Variants in SUPT6H observed in about 807,000 individuals in gnomAD.
SUPT6H encodes transcription elongation factor SPT6.
SUPT6H carries 11 observed loss-of-function variants against 222.3 expected under a neutral mutation model. That is an observed-to-expected ratio of 0.05 (90% CI 0.03 to 0.08). SUPT6H has a LOEUF of 0.08. SUPT6H is among the 10% of genes least tolerant of loss of function. SUPT6H has a pLI of 1.00. For missense variants in SUPT6H, 1,422 were observed against 2,216.0 expected, an observed-to-expected ratio of 0.64 and a Z score of 7.19; for synonymous variants, 762 against 801.2, an observed-to-expected ratio of 0.95 and a Z score of 0.83.
At position 28,700,211 on chromosome 17, in the gene SUPT6H, G is replaced by A. The variant is rs1393924836; in HGVS notation, c.4600G>A (p.Ala1534Thr). The A allele has an allele frequency of 1.2e-6, 2 of 1,614,120 alleles. No homozygotes were observed. Among genetic ancestry groups the A allele is most frequent in the African/African-American group, 2.7e-5 (2 of 74,934 alleles). The change falls in exon 34 of 37, where the codon GCC (alanine) becomes ACC (threonine). Residue 1534 changes from alanine (A) to threonine (T), a missense_variant. By Grantham distance (58) the Ala-to-Thr change is moderately conservative. Around this residue, in one of 13 missense-constraint regions of SUPT6H, gnomAD observed 395 missense variants for 580.6 expected, o/e 0.68. Coordinates refer to ENST00000314616, the MANE Select transcript of SUPT6H (RefSeq NM_003170.5). ...CAGCAGCAGCAGGACCCGGACACCT[G>A]CCTCTATCAATGCTACCCCAGCCAA... ...PSSSSRTRTPASINATPANIN... is the reference protein window; with the variant it reads ...PSSSSRTRTPTSINATPANIN...
chr17:28,676,846 G>A (rs2030777517), intron 7 of SUPT6H, among the ~76,000 whole-genome samples: 1 of 152,022 alleles, frequency 6.6e-6, no homozygotes, highest in Non-Finnish European at 1.5e-5. Flanking sequence ...AAGATTGCTT[G>A]AACTTGGGAG....
chr17:28,700,239 T>C lies in SUPT6H; in HGVS notation c.4628T>C (p.Ile1543Thr), dbSNP rs2032078468. ...TCTATCAATGCTACCCCAGCCAACATCAACCTTGCAGGTGAGGAGCTTGAG... is the reference window on the plus strand; with the variant it reads ...TCTATCAATGCTACCCCAGCCAACACCAACCTTGCAGGTGAGGAGCTTGAG... Reference protein sequence around the residue: ...PASINATPANINLADLTRAVN... With the variant: ...PASINATPANTNLADLTRAVN... The change falls in exon 34 of 37, where the codon ATC (isoleucine) becomes ACC (threonine). Residue 1543 changes from isoleucine (I) to threonine (T), a missense_variant. Ile to Thr is a moderately conservative substitution (Grantham distance 89, BLOSUM62 -1). Around this residue, in one of 13 missense-constraint regions of SUPT6H, gnomAD observed 395 missense variants for 580.6 expected, o/e 0.68. Coordinates refer to ENST00000314616, the MANE Select transcript of SUPT6H (RefSeq NM_003170.5). 6.2e-7 allele frequency: 1 copy of C among 1,614,168 alleles called. No individual in the cohort carries two copies. Among genetic ancestry groups the C allele is most frequent in the Non-Finnish European group, 8.5e-7 (1 of 1,180,028 alleles).
chr17:28,667,722 A>G (rs997727921), intron 1 of SUPT6H, among the ~76,000 whole-genome samples: 3 of 151,336 alleles, frequency 2.0e-5, no homozygotes, highest in Non-Finnish European at 4.4e-5. Flanking sequence ...ATATTCCCCA[A>G]CCTTCCCATT....
chr17:28,693,008 A>C (rs1271754042), intron 27 of SUPT6H, among the ~76,000 whole-genome samples: 1 of 151,252 alleles, frequency 6.6e-6, no homozygotes, highest in East Asian at 1.9e-4. Flanking sequence ...CTCAAAAAAA[A>C]AAAAAAAAAA....
Position 28,684,956 on chromosome 17 carries a change from A to G in SUPT6H, c.2482A>G (p.Lys828Glu), listed in dbSNP as rs1305915366. 3 of 1,613,826 alleles carry G rather than the reference A, an allele frequency of 1.9e-6. No homozygotes were observed. Among genetic ancestry groups the G allele is most frequent in the Non-Finnish European group, 2.5e-6 (3 of 1,179,882 alleles). The change falls in exon 19 of 37, where the codon AAG (lysine) becomes GAG (glutamate). Residue 828 changes from lysine (K) to glutamate (E), a missense_variant. This residue lies in a region of SUPT6H where 294 missense variants were observed against 382.1 expected (regional missense o/e 0.77). Transcript: ENST00000314616. ...TGCATGGAGAGAGGAAGAGCGGGAA[A>G]AGAAGGCAAGTGGCTAGGACGAGGA... ...RTAWREEEREKKAQDIETLKK... is the reference protein window; with the variant it reads ...RTAWREEEREEKAQDIETLKK...
chr17:28,697,255 C>T (rs1191332137), intron 30 of SUPT6H, among the ~76,000 whole-genome samples, 173 bp downstream of exon 30: 1 of 152,158 alleles, frequency 6.6e-6, no homozygotes, highest in Non-Finnish European at 1.5e-5. Context: ...TTTATTTTGT[C>T]CCCTCCTTCC....
intron 26 of SUPT6H, 118 bp from the exon 27 acceptor site, chr17:28,690,803 A>G: frequency 8.5e-7 from 1 of 1,182,882 alleles, no homozygotes; most frequent in Non-Finnish European, 1.2e-6. Context: ...AAAATCGGGA[A>G]GAGTTCCCTC....
At chr17:28,664,491 C>T (rs968851451) in intron 1 of SUPT6H, among the ~76,000 whole-genome samples, 5 of 152,210 alleles carry the variant, frequency 3.3e-5, no homozygotes, top group Non-Finnish European at 4.4e-5. Context: ...GGCAACAGAA[C>T]AAAACTCCGT....
chr17:28,666,408 C>T (rs1054897297), intron 1 of SUPT6H, among the ~76,000 whole-genome samples: 1 of 152,194 alleles, frequency 6.6e-6, no homozygotes. Flanking sequence ...CTATGCGCTC[C>T]TCAATGTGTG....
intron 29 of SUPT6H, among the ~76,000 whole-genome samples, chr17:28,695,794 G>A (rs921824377): frequency 2.6e-5 from 4 of 152,168 alleles, no homozygotes; most frequent in African/African-American, 9.7e-5. Context: ...TGTCCTAGGA[G>A]CCCAGGTGAA....
intron 25 of SUPT6H, 99 bp from the exon 26 acceptor site, chr17:28,689,983 C>A: frequency 7.0e-7 from 1 of 1,424,624 alleles, no homozygotes; most frequent in Non-Finnish European, 9.5e-7. Context: ...CTGACAGAAA[C>A]TTACTCCCAT....
chr17:28,677,237 C>T (rs2030803399), intron 7 of SUPT6H, among the ~76,000 whole-genome samples: 1 of 151,720 alleles, frequency 6.6e-6, no homozygotes, highest in South Asian at 2.1e-4. Flanking sequence ...AAAAAATTAG[C>T]TGGGCGTTGA....
At chr17:28,700,566 C>T in intron 35 of SUPT6H, 54 bp downstream of exon 35, 7 of 1,579,624 alleles carry the variant, frequency 4.4e-6, no homozygotes, top group African/African-American at 1.3e-5. Flanking sequence ...ATAGACTGCC[C>T]TCTCGCATTG....
At chr17:28,699,999 T>C in intron 33 of SUPT6H, 106 bp downstream of exon 33, 1 of 1,375,616 alleles carries the variant, frequency 7.3e-7, no homozygotes, top group Non-Finnish European at 1.0e-6. Flanking sequence ...AGGCTGTCAC[T>C]GCAGCTGTCT....
chr17:28,697,892 C>T lies in SUPT6H; in HGVS notation c.4324-14C>T. 1 of 1,613,468 alleles carries T rather than the reference C, an allele frequency of 6.2e-7. No individual in the cohort carries two copies. The highest frequency in any genetic ancestry group is 8.5e-7 in the Non-Finnish European group (1 of 1,179,688). On this transcript the variant is annotated splice_polypyrimidine_tract_variant and intron_variant, in intron 31 of 36. Transcript: ENST00000314616. ...TGCTGCTATCCCAACCTCTCCCCCTCATTCTACCCCCAGAAATTAGAGGAG... is the reference window on the plus strand; with the variant it reads ...TGCTGCTATCCCAACCTCTCCCCCTTATTCTACCCCCAGAAATTAGAGGAG...
chr17:28,677,750 T>C lies in SUPT6H; in HGVS notation c.933T>C (p.Asp311=), dbSNP rs774514887. Residue 311 remains aspartate (D), a synonymous_variant, in exon 8 of 37, where the codon GAT becomes GAC. Transcript: ENST00000314616. ...TCCCAGTCAAGGGGGCTGAAGATGA[T>C]GAACTAGAAGAAGAAGCTGACTGGA... The part of the protein sequence containing the change: ...RSIPVKGAED[D]ELEEEADWIY... 6.2e-6 allele frequency: 10 copies of C among 1,614,102 alleles called. No homozygotes were observed. In the South Asian group the frequency reaches 1.1e-4, roughly 18 times the overall value.
chr17:28,701,539 C>T lies in SUPT6H; in HGVS notation c.5095C>T (p.Arg1699Trp). The change falls in exon 37 of 37, where the codon CGG (arginine) becomes TGG (tryptophan). Residue 1699 changes from arginine (R) to tryptophan (W), a missense_variant. Around this residue, in one of 13 missense-constraint regions of SUPT6H, gnomAD observed 395 missense variants for 580.6 expected, o/e 0.68. Transcript: ENST00000314616. ...GAAACAGAAGCAGCGGCTGACACCT[C>T]GGCCCTCCCCCAGCCCCATGATCGA... ...RRKQKQRLTP[R>W]PSPSPMIEST... 14 of 1,614,088 alleles carry T rather than the reference C, an allele frequency of 8.7e-6. No individual in the cohort carries two copies. Among genetic ancestry groups the T allele is most frequent in the Non-Finnish European group, 1.2e-5 (14 of 1,180,010 alleles).
At chr17:28,680,166 T>G (rs2031016768) in intron 11 of SUPT6H, among the ~76,000 whole-genome samples, 1 of 142,386 alleles carries the variant, frequency 7.0e-6, no homozygotes, top group South Asian at 2.3e-4. Flanking sequence ...ATTAGCTCGG[T>G]GTGGTGGCAG....
At chr17:28,683,540 C>A in intron 16 of SUPT6H, 81 bp from the exon 17 acceptor site, 3 of 1,582,962 alleles carry the variant, frequency 1.9e-6, no homozygotes, top group Non-Finnish European at 2.6e-6. Flanking sequence ...GCTGTTGTCT[C>A]TGGCTTGCTT....
Sources: allele counts gnomAD v4.1 joint callset (sites outside exome capture counted in the v4.1 genomes callset), GRCh38; gene constraint gnomAD v4.1.1; regional missense constraint gnomAD v4.1.1; transcripts MANE v1.5; gene names NCBI Gene and HGNC (gene_info 2026-07-23, HGNC 2026-07-21).